SMYD4: variants seen among roughly 807,000 people sequenced by gnomAD.
The protein encoded by SMYD4 is SET and MYND domain containing 4.
Under a neutral mutation model 72.8 loss-of-function variants are expected in SMYD4, and 68 were observed. The observed-to-expected ratio is 0.93, with a 90% CI of 0.77 to 1.14. The LOEUF (loss-of-function observed/expected upper bound fraction) is 1.14, where lower values mean the gene tolerates loss of function less well. Among genes scored for constraint, SMYD4 ranks in the 50% most tolerant of loss-of-function variants. The pLI is 0.00. For missense variants in SMYD4, 984 were observed against 1,003.7 expected (o/e 0.98, Z 0.27); for synonymous variants, 407 against 388.6 (o/e 1.05, Z -0.56).
At chr17:1,797,163 T>C (rs1414934035) in intron 5 of SMYD4, among the ~76,000 whole-genome samples, 2 of 152,210 alleles carry the variant, frequency 1.3e-5, no homozygotes, top group Admixed American at 1.3e-4. Context: ...AAATTCTAGA[T>C]GACCTAATGT....
intron 5 of SMYD4, among the ~76,000 whole-genome samples, chr17:1,788,484 G>A (rs1343162756): frequency 2.0e-5 from 3 of 151,990 alleles, no homozygotes; most frequent in African/African-American, 4.8e-5. Context: ...GGTGGCTCAC[G>A]CCTGTAATCC....
At chr17:1,796,299 G>GT (rs35650939) in intron 5 of SMYD4, among the ~76,000 whole-genome samples, 1,566 of 109,506 alleles carry the variant, frequency 0.014, 79 homozygotes, top group African/African-American at 0.041. Context: ...ATGCCTGGCT[G>GT]TTTTTTTTTT....
intron 5 of SMYD4, among the ~76,000 whole-genome samples, chr17:1,797,473 A>C (rs1909464210): frequency 6.6e-6 from 1 of 152,154 alleles, no homozygotes; most frequent in Non-Finnish European, 1.5e-5. Context: ...CTTCCCATCT[A>C]TCTTAAGTAG....
chr17:1,790,341 G>A (rs2151223719), intron 5 of SMYD4, among the ~76,000 whole-genome samples: 1 of 152,196 alleles, frequency 6.6e-6, no homozygotes, highest in South Asian at 2.1e-4. Flanking sequence ...ATTAAGTATT[G>A]ATTTTTAAAA....
chr17:1,780,750 T>A lies in SMYD4; in HGVS notation c.*536A>T, dbSNP rs1908319937. 6.6e-6 allele frequency: 1 copy of A among 150,850 alleles called. No individual in the cohort carries two copies. Among genetic ancestry groups the A allele is most frequent in the Non-Finnish European group, 1.5e-5 (1 of 68,146 alleles). The allele number at this position is 150,850 out of a possible 1,614,324, so 9.3% of individuals were successfully genotyped here. A position where few individuals can be genotyped will look rare whatever the true frequency, so the allele number is the denominator to read the frequency against. ...CATTCTCCTGCCTCAACCTCCCGAG[T>A]AGCTGTGAATACAGGCGTCCGCCAC... On this transcript the variant is annotated 3_prime_UTR_variant, in exon 11 of 11. Transcript: ENST00000305513.
rs1555577035 is a variant in SMYD4, at chr17:1,800,614, C to A, written c.780G>T (p.Val260=). 1 of 1,614,168 alleles carries A rather than the reference C, an allele frequency of 6.2e-7. No individual in the cohort carries two copies. Among genetic ancestry groups the A allele is most frequent in the African/African-American group, 1.3e-5 (1 of 75,070 alleles). Residue 260 remains valine (V), a synonymous_variant, in exon 5 of 11, where the codon GTG becomes GTT. Coordinates refer to ENST00000305513, the MANE Select transcript of SMYD4 (RefSeq NM_052928.3). The part of the protein sequence containing the change: ...TKDILPGELL[V]QEDAFVSVLN... ...GAACACTCACAAAAGCATCCTCCTG[C>A]ACCAGGAGCTCTCCTGGGAGAATAT...
In SMYD4 at chr17:1,787,347, G is replaced by C; in HGVS notation, c.1720+75C>G. 3.3e-6 allele frequency: 5 copies of C among 1,521,894 alleles called. No homozygotes were observed. In the East Asian group the frequency reaches 9.8e-5, roughly 30 times the overall value. 94.3% of individuals were successfully genotyped at this position (1,521,894 alleles called of 1,614,324 possible). A position where few individuals can be genotyped will look rare whatever the true frequency, so the allele number is the denominator to read the frequency against. On this transcript the variant is annotated intron_variant, in intron 6 of 10. Transcript: ENST00000305513. Reference sequence around the variant, plus strand: ...AGTAGACAGGTGAAGTCACATGCCTGGTGGCTTGCTGACTTGCGTCCCCGT... The same window carrying C: ...AGTAGACAGGTGAAGTCACATGCCTCGTGGCTTGCTGACTTGCGTCCCCGT...
chr17:1,793,186 G>C (rs1046547508), intron 5 of SMYD4, among the ~76,000 whole-genome samples: 4 of 151,982 alleles, frequency 2.6e-5, no homozygotes, highest in African/African-American at 9.7e-5. Context: ...CAAAGTGCTG[G>C]GATTATAGGT....
At chr17:1,824,091 C>G (rs1159174290) in intron 2 of SMYD4, among the ~76,000 whole-genome samples, 1 of 152,244 alleles carries the variant, frequency 6.6e-6, no homozygotes, top group South Asian at 2.1e-4. Context: ...GCCTGTAATT[C>G]CAGGACTTTG....
chr17:1,807,329 C>CT (rs796418884), intron 3 of SMYD4, among the ~76,000 whole-genome samples: 2,151 of 140,874 alleles, frequency 0.015, 34 homozygotes, highest in Non-Finnish European at 0.02. Flanking sequence ...AATGAGGATG[C>CT]TTTTTTTTTT....
chr17:1,801,236 T>G (rs9905257), intron 4 of SMYD4, among the ~76,000 whole-genome samples: 54,587 of 132,826 alleles, frequency 0.41, 11,229 homozygotes, highest in African/African-American at 0.59. Flanking sequence ...TGTTTTTGGA[T>G]TAAATTTTTT....
intron 5 of SMYD4, among the ~76,000 whole-genome samples, chr17:1,795,514 C>T (rs1909357745): frequency 6.6e-6 from 1 of 152,156 alleles, no homozygotes; most frequent in Non-Finnish European, 1.5e-5. Flanking sequence ...ACGATCTCAG[C>T]TCACTGCAAC....
Position 1,809,733 on chromosome 17 carries a change from G to A in SMYD4, c.279+2238C>T, listed in dbSNP as rs566320446. Among the ~76,000 whole-genome samples the A allele has an allele frequency of 4.7e-5, 7 of 149,374 alleles. No homozygotes were observed. In the East Asian group the frequency reaches 1.2e-3, roughly 25 times the overall value. On this transcript the variant is annotated intron_variant, in intron 3 of 10. Coordinates refer to ENST00000305513, the MANE Select transcript of SMYD4 (RefSeq NM_052928.3). The stretch of plus-strand genomic sequence containing the variant: ...CGCCCAGGCTGGAGTGCAGTGGCGC[G>A]ATCTCGGCTCACTGCAAGCTCCGCC...
rs750979919 is a variant in SMYD4, at chr17:1,816,421, C to A, written c.135-4306G>T. 3.1e-4 allele frequency among the ~76,000 whole-genome samples: 47 copies of A among 151,550 alleles called. 1 individual carries two copies. The highest frequency in any genetic ancestry group is 8.8e-5 in the Non-Finnish European group (6 of 67,930). Reference sequence around the variant, plus strand: ...GATCACGAGGTCAGGAGATTGAGACCGTCCTGGCTAACAAGGTGAAACCCC... The same window carrying A: ...GATCACGAGGTCAGGAGATTGAGACAGTCCTGGCTAACAAGGTGAAACCCC... On this transcript the variant is annotated intron_variant, in intron 2 of 10. Transcript: ENST00000305513.
intron 2 of SMYD4, among the ~76,000 whole-genome samples, chr17:1,816,402 G>A (rs1427803415): frequency 2.0e-5 from 3 of 151,540 alleles, no homozygotes; most frequent in South Asian, 4.2e-4. Context: ...GGTGGATCAC[G>A]AGGTCAGGAG....
At chr17:1,796,741 A>G (rs1235368820) in intron 5 of SMYD4, among the ~76,000 whole-genome samples, 1 of 152,120 alleles carries the variant, frequency 6.6e-6, no homozygotes, top group African/African-American at 2.4e-5. Context: ...AGCCCTATTA[A>G]GTATTTTAAA....
At chr17:1,805,533 C>T (rs529233725) in intron 3 of SMYD4, among the ~76,000 whole-genome samples, 3 of 150,788 alleles carry the variant, frequency 2.0e-5, no homozygotes, top group Admixed American at 6.6e-5. Flanking sequence ...GGGATGAGAC[C>T]GGGCATGGTG....
intron 8 of SMYD4, 122 bp downstream of exon 8, chr17:1,784,204 G>C (rs1880692119): frequency 6.8e-7 from 1 of 1,471,036 alleles, no homozygotes; most frequent in Admixed American, 2.0e-5. Context: ...CCATCTTGTG[G>C]CTGGCATGGG....
intron 4 of SMYD4, among the ~76,000 whole-genome samples, chr17:1,801,617 C>T (rs893381286): frequency 8.2e-6 from 1 of 121,356 alleles, no homozygotes; most frequent in African/African-American, 3.5e-5. Context: ...GACTAACAGG[C>T]AGGCTTTGAA....
Sources: gnomAD v4.1 joint callset for allele counts (sites outside exome capture counted in the v4.1 genomes callset) on GRCh38, gnomAD v4.1.1 for gene constraint, MANE v1.5 for transcripts, NCBI Gene and HGNC (gene_info 2026-07-23, HGNC 2026-07-21) for gene names.